The following STMND1 variants were observed in gnomAD, a reference collection of about 807,000 sequenced individuals.
STMND1 encodes the protein stathmin domain-containing protein 1.
In STMND1, 17 loss-of-function variants were observed where a neutral mutation model predicts 23.0. The observed-to-expected ratio is 0.74, with a 90% CI of 0.51 to 1.11. The LOEUF is 1.11. STMND1 is among the 50% of genes least tolerant of loss of function. The pLI, the probability that STMND1 is intolerant of heterozygous loss-of-function variation, is 0.00. For missense variants in STMND1, 305 were observed against 329.1 expected (o/e 0.93, Z 0.57); for synonymous variants, 114 against 119.9 (o/e 0.95, Z 0.32).
intron 1 of STMND1, among the ~76,000 whole-genome samples, chr6:17,103,337 T>A (rs1478835188): frequency 6.6e-6 from 1 of 152,144 alleles, no homozygotes; most frequent in East Asian, 1.9e-4. Context: ...GCAGGCACTG[T>A]GCAAGACACT....
intron 3 of STMND1, among the ~76,000 whole-genome samples, chr6:17,126,053 T>TAC (rs1761292706): frequency 2.9e-5 from 1 of 34,784 alleles, no homozygotes; most frequent in East Asian, 8.9e-4. Context: ...TATATATATA[T>TAC]ATATATATAT....
At chr6:17,130,565 C>G in intron 4 of STMND1, 29 bp from the exon 5 acceptor site, 3 of 1,454,172 alleles carry the variant, frequency 2.1e-6, no homozygotes, top group South Asian at 1.4e-5. Context: ...TATTCACGCT[C>G]TTTTTCATTC....
chr6:17,119,623 C>T (rs924889593), intron 2 of STMND1, among the ~76,000 whole-genome samples: 8 of 151,764 alleles, frequency 5.3e-5, no homozygotes, highest in African/African-American at 1.9e-4. Context: ...TCACTTGAAC[C>T]TGGGAGGAGG....
intron 3 of STMND1, among the ~76,000 whole-genome samples, chr6:17,126,311 T>C (rs1345341320): frequency 6.6e-5 from 10 of 151,830 alleles, no homozygotes; most frequent in Admixed American, 6.6e-4. Flanking sequence ...AGGTTTTTTA[T>C]TTTTTTACTT....
intron 1 of STMND1, among the ~76,000 whole-genome samples, chr6:17,103,197 A>T (rs1760966746): frequency 6.6e-6 from 1 of 152,190 alleles, no homozygotes; most frequent in Non-Finnish European, 1.5e-5. Context: ...TGCTTTTAAG[A>T]GTGAAAGGAA....
rs572473517 is a variant in STMND1 at position 17,123,107 on chromosome 6, C to T, written c.411+2349C>T. Reference sequence around the variant, plus strand: ...GTAGGAATCACATTAAAACATTCTCCGTGATTCAATTGCCAGAGATGAATG... The same window carrying T: ...GTAGGAATCACATTAAAACATTCTCTGTGATTCAATTGCCAGAGATGAATG... On this transcript the variant is annotated intron_variant, in intron 3 of 4. Transcript: ENST00000536551. 6.6e-5 allele frequency among the ~76,000 whole-genome samples: 10 copies of T among 152,222 alleles called. No homozygotes were observed. The South Asian group carries it at 1.5e-3, about 22-fold the overall frequency.
chr6:17,102,170 C>T lies in STMND1; in HGVS notation c.-88C>T. The T allele has an allele frequency of 7.5e-7, 1 of 1,333,046 alleles. No homozygotes were observed. Among genetic ancestry groups the T allele is most frequent in the Non-Finnish European group, 9.7e-7 (1 of 1,028,620 alleles). The allele number at this position is 1,333,046 out of a possible 1,614,324, so 82.6% of individuals were successfully genotyped here. On this transcript the variant is annotated 5_prime_UTR_variant, in exon 1 of 5. Transcript: ENST00000536551. Reference sequence around the variant, plus strand: ...GCGTAGGGCGCAGGGCGCAGGAGCGCGGGACCACCGGCGCCGGAGCGCGGC... The same window carrying T: ...GCGTAGGGCGCAGGGCGCAGGAGCGTGGGACCACCGGCGCCGGAGCGCGGC...
intron 3 of STMND1, 154 bp from the exon 4 acceptor site, chr6:17,128,958 C>T: frequency 3.1e-6 from 2 of 641,608 alleles, no homozygotes; most frequent in South Asian, 4.3e-5. Context: ...AGCAGTCTTC[C>T]CACCTTGGCC....
chr6:17,124,456 T>C (rs897653884), intron 3 of STMND1, among the ~76,000 whole-genome samples: 1 of 152,198 alleles, frequency 6.6e-6, no homozygotes, highest in Non-Finnish European at 1.5e-5. Context: ...ATAAAGGATG[T>C]TGAAAATTGA....
intron 1 of STMND1, among the ~76,000 whole-genome samples, chr6:17,111,046 T>G (rs1265543303): frequency 6.6e-6 from 1 of 152,192 alleles, no homozygotes; most frequent in Non-Finnish European, 1.5e-5. Flanking sequence ...TTACTTACTC[T>G]AAAAATAAAT....
intron 2 of STMND1, among the ~76,000 whole-genome samples, chr6:17,119,469 C>G (rs1016340761): frequency 3.9e-5 from 6 of 152,068 alleles, no homozygotes; most frequent in African/African-American, 1.4e-4. Flanking sequence ...TTCGGGAGGC[C>G]GAGACAGGCA....
chr6:17,103,566 C>CTTTTTTT (rs68161737), intron 1 of STMND1, among the ~76,000 whole-genome samples: 23 of 82,110 alleles, frequency 2.8e-4, no homozygotes, highest in African/African-American at 4.0e-4. Flanking sequence ...GACCCATTAC[C>CTTTTTTT]TTTTTTTTTT....
At chr6:17,126,080 T>A (rs1245358345) in intron 3 of STMND1, among the ~76,000 whole-genome samples, 1,057 of 89,556 alleles carry the variant, frequency 0.012, 1 homozygote, top group Non-Finnish European at 0.018. Context: ...ATTTTTTTTT[T>A]TTTTTTTTTT....
chr6:17,120,483 A>G, intron 2 of STMND1, 124 bp from the exon 3 acceptor site: 1 of 653,388 alleles, frequency 1.5e-6, no homozygotes, highest in Non-Finnish European at 2.4e-6. Flanking sequence ...ATAGAAATAT[A>G]TTAAGTGTTG....
At chr6:17,103,480 C>T (rs1760970741) in intron 1 of STMND1, among the ~76,000 whole-genome samples, 1 of 152,024 alleles carries the variant, frequency 6.6e-6, no homozygotes, top group South Asian at 2.1e-4. Context: ...CTGGGGGAAG[C>T]CTGTGCCCAA....
At position 17,129,295 on chromosome 6, in the gene STMND1, T is replaced by C. The variant is rs1761353563; in HGVS notation, c.543+52T>C. 9 of 1,518,786 alleles carry C rather than the reference T, an allele frequency of 5.9e-6. No homozygotes were observed. In the Middle Eastern group the frequency reaches 1.2e-3, roughly 205 times the overall value. 94.1% of individuals were successfully genotyped at this position (1,518,786 alleles called of 1,614,324 possible). Reference sequence around the variant, plus strand: ...TTGAGGAGTTCGCTGTCTGTTAAAATGATCTCACCCCAGAGCTTTCCTATC... The same window carrying C: ...TTGAGGAGTTCGCTGTCTGTTAAAACGATCTCACCCCAGAGCTTTCCTATC... On this transcript the variant is annotated intron_variant, in intron 4 of 4. Coordinates refer to ENST00000536551, the MANE Select transcript of STMND1 (RefSeq NM_001190766.2).
intron 1 of STMND1, among the ~76,000 whole-genome samples, chr6:17,112,537 A>G (rs542361968): frequency 2.1e-3 from 316 of 152,142 alleles, no homozygotes; most frequent in African/African-American, 7.1e-3. Context: ...CAGCACTTTG[A>G]GAGGCCGAGG....
At position 17,102,192 on chromosome 6, in the gene STMND1, C is replaced by A. The variant is rs995469434; in HGVS notation, c.-66C>A. On this transcript the variant is annotated 5_prime_UTR_variant, in exon 1 of 5. Coordinates refer to ENST00000536551, the MANE Select transcript of STMND1 (RefSeq NM_001190766.2). ...GCGCGGGACCACCGGCGCCGGAGCG[C>A]GGCAGGGAGCGCTCGCGGGGGCGCA... is the stretch of plus-strand genomic sequence containing the variant. 3.7e-5 allele frequency: 54 copies of A among 1,448,466 alleles called. No homozygotes were observed. The highest frequency in any genetic ancestry group is 4.6e-5 in the Non-Finnish European group (51 of 1,105,734). 89.7% of individuals were successfully genotyped at this position (1,448,466 alleles called of 1,614,324 possible).
At chr6:17,108,062 T>C (rs1479234969) in intron 1 of STMND1, among the ~76,000 whole-genome samples, 2 of 152,232 alleles carry the variant, frequency 1.3e-5, no homozygotes, top group Non-Finnish European at 2.9e-5. Flanking sequence ...ATTTCTGCTC[T>C]GGTTTATGTT....
Sources: allele counts gnomAD v4.1 joint callset (sites outside exome capture counted in the v4.1 genomes callset), GRCh38; gene constraint gnomAD v4.1.1; transcripts MANE v1.5; gene names NCBI Gene and HGNC (gene_info 2026-07-23, HGNC 2026-07-21).